SLCO1B3: variants seen among roughly 807,000 people sequenced by gnomAD.
SLCO1B3 encodes solute carrier organic anion transporter family member 1B3, also known as liver-specific organic anion transporter 2.
A neutral mutation model predicts 71.8 loss-of-function variants in SLCO1B3; 72 were observed. The observed-to-expected ratio is 1.00, with a 90% confidence interval of 0.83 to 1.22. SLCO1B3 has a LOEUF of 1.22. Ranked by LOEUF, SLCO1B3 falls within the 50% of genes most tolerant of loss-of-function variation. SLCO1B3 has a pLI of 0.00. For synonymous variants in SLCO1B3, 298 were observed against 278.4 expected, an observed-to-expected ratio of 1.07 and a Z score of -0.70; for missense variants, 911 against 819.7, an observed-to-expected ratio of 1.11 and a Z score of -1.36.
intron 3 of SLCO1B3, among the ~76,000 whole-genome samples, chr12:20,839,591 C>T (rs943558767): frequency 6.6e-6 from 1 of 151,920 alleles, no homozygotes; most frequent in African/African-American, 2.4e-5. Flanking sequence ...GGACTTTTTT[C>T]CCCTTGTCTT....
At chr12:20,812,202 C>G (rs947765073) in intron 1 of SLCO1B3, among the ~76,000 whole-genome samples, 2 of 152,082 alleles carry the variant, frequency 1.3e-5, no homozygotes, top group African/African-American at 4.8e-5. Flanking sequence ...TCACTGCTCC[C>G]GGCCTACTTG....
chr12:20,828,313 AAAAAAAG>A (rs1864469678), intron 3 of SLCO1B3, among the ~76,000 whole-genome samples: 1 of 151,966 alleles, frequency 6.6e-6, no homozygotes, highest in African/African-American at 2.4e-5. Context: ...AAAAAAAAAA[AAAAAAAG>A]GTAACACAAT....
At chr12:20,845,418 C>T (rs550709113) in intron 3 of SLCO1B3, among the ~76,000 whole-genome samples, 2 of 152,142 alleles carry the variant, frequency 1.3e-5, no homozygotes, top group Non-Finnish European at 2.9e-5. Flanking sequence ...CTACTTTGAA[C>T]TGAGTAAGAA....
At chr12:20,912,095 T>C (rs1174336860) in intron 15 of SLCO1B3, among the ~76,000 whole-genome samples, 1 of 152,050 alleles carries the variant, frequency 6.6e-6, no homozygotes, top group Non-Finnish European at 1.5e-5. Context: ...TAATTTTATT[T>C]TCACTTATTT....
chr12:20,871,725 T>C (rs1273122098), intron 8 of SLCO1B3, among the ~76,000 whole-genome samples: 1 of 152,126 alleles, frequency 6.6e-6, no homozygotes, highest in African/African-American at 2.4e-5. Flanking sequence ...AAAGCAAATG[T>C]AGTCTTGCTC....
intron 3 of SLCO1B3, among the ~76,000 whole-genome samples, chr12:20,843,655 C>G (rs576177325): frequency 3.1e-4 from 47 of 151,990 alleles, no homozygotes; most frequent in Middle Eastern, 3.4e-3. Flanking sequence ...GTGGTGGGCA[C>G]CTATAGTCCC....
intron 9 of SLCO1B3, among the ~76,000 whole-genome samples, 177 bp from the exon 10 acceptor site, chr12:20,877,595 A>G (rs1200993062): frequency 6.6e-6 from 1 of 152,148 alleles, no homozygotes; most frequent in Admixed American, 6.5e-5. Context: ...ATTTACCTCA[A>G]AAATTTAACA....
intron 2 of SLCO1B3, among the ~76,000 whole-genome samples, chr12:20,814,891 C>T (rs1363705368): frequency 1.7e-4 from 7 of 41,600 alleles, no homozygotes; most frequent in East Asian, 1.4e-3. Flanking sequence ...AGCAAGACTC[C>T]GTCTCAAAAA....
rs372155740 is a variant in SLCO1B3 at position 20,822,689 on chromosome 12, G to A, written c.84+6867G>A. Among the ~76,000 whole-genome samples, 162 of 152,310 alleles carry A rather than the reference G, an allele frequency of 1.1e-3. 4 individuals are homozygous for A. In the South Asian group the frequency reaches 0.033, roughly 31 times the overall value. On this transcript the variant is annotated intron_variant, in intron 3 of 15. Transcript: ENST00000381545. ...AAACTAGCAGGTAAGGGAATGGTCA[G>A]TTATTTATTTGTCTTGTGCTCAGTA... is the stretch of plus-strand genomic sequence containing the variant.
At position 20,855,167 on chromosome 12, in the gene SLCO1B3, T is replaced by C. The variant is rs1354436053; in HGVS notation, c.224T>C (p.Ile75Thr). The C allele has an allele frequency of 2.5e-6, 4 of 1,605,144 alleles. No homozygotes were observed. In the South Asian group the frequency reaches 3.3e-5, roughly 13 times the overall value. The change falls in exon 4 of 16, where the codon ATT becomes ACT. Residue 75 changes from isoleucine (I) to threonine (T), a missense_variant and splice_region_variant. Ile to Thr is a moderately conservative substitution (Grantham distance 89). Transcript: ENST00000381545. ...LAGLIDGSFE[I>T]GNLLVIVFVS... ...GGTTTAATTGATGGAAGCTTTGAAA[T>C]TGGTAACTTTTATTTTTTCTATTTG... is the stretch of plus-strand genomic sequence containing the variant.
At chr12:20,816,349 AC>A (rs1023754266) in intron 3 of SLCO1B3, among the ~76,000 whole-genome samples, 2 of 151,726 alleles carry the variant, frequency 1.3e-5, no homozygotes, top group Non-Finnish European at 2.9e-5. Flanking sequence ...CTACCCCCAC[AC>A]CCCCATGACC....
At position 20,883,576 on chromosome 12, in the gene SLCO1B3, T is replaced by G. The variant is rs1565601666; in HGVS notation, c.1656T>G (p.Gly552=). 3.1e-6 allele frequency: 5 copies of G among 1,595,306 alleles called. No individual in the cohort carries two copies. In the South Asian group the frequency reaches 4.6e-5, roughly 15 times the overall value. ...VINSLFSATG[G]TTFILLTVKI... ...ACTCTTTGTTCTCTGCAACAGGAGG[T>G]ACCACATTTATCTTGTTGACTGTGA... Residue 552 remains glycine (G), a synonymous_variant, in exon 13 of 16, where the codon GGT becomes GGG. Transcript: ENST00000381545.
chr12:20,873,448 G>A (rs946710033), intron 8 of SLCO1B3, among the ~76,000 whole-genome samples: 1 of 152,116 alleles, frequency 6.6e-6, no homozygotes, highest in African/African-American at 2.4e-5. Context: ...TTTATTCTCT[G>A]TAGTTCCCAG....
At chr12:20,865,336 A>G (rs1354520791) in intron 8 of SLCO1B3, among the ~76,000 whole-genome samples, 2 of 152,158 alleles carry the variant, frequency 1.3e-5, no homozygotes, top group Non-Finnish European at 2.9e-5. Context: ...ATACTAGCAA[A>G]TAATATATTT....
At chr12:20,870,869 C>A (rs1410607008) in intron 8 of SLCO1B3, among the ~76,000 whole-genome samples, 1 of 152,048 alleles carries the variant, frequency 6.6e-6, no homozygotes, top group Non-Finnish European at 1.5e-5. Flanking sequence ...CTTCTATTCC[C>A]AGATTTTTGA....
intron 15 of SLCO1B3, among the ~76,000 whole-genome samples, chr12:20,915,673 A>T (rs967428450): frequency 3.9e-5 from 6 of 152,164 alleles, no homozygotes; most frequent in African/African-American, 1.4e-4. Context: ...GTACCTCTGG[A>T]CTGTGAACTT....
At chr12:20,825,419 A>G (rs1336718397) in intron 3 of SLCO1B3, among the ~76,000 whole-genome samples, 2 of 152,164 alleles carry the variant, frequency 1.3e-5, no homozygotes, top group Non-Finnish European at 2.9e-5. Context: ...CTGGGTCTGA[A>G]GATGAGGGTT....
At chr12:20,833,967 A>G (rs1323823718) in intron 3 of SLCO1B3, among the ~76,000 whole-genome samples, 1 of 130,542 alleles carries the variant, frequency 7.7e-6, no homozygotes, top group Non-Finnish European at 1.7e-5. Flanking sequence ...CTGTATATGT[A>G]TATACATACA....
intron 3 of SLCO1B3, among the ~76,000 whole-genome samples, chr12:20,853,637 A>C (rs1054797342): frequency 3.3e-5 from 5 of 151,918 alleles, no homozygotes; most frequent in African/African-American, 1.2e-4. Context: ...ATTTTAGCTA[A>C]AGGTCTCTCA....
Sources: allele counts gnomAD v4.1 joint callset (sites outside exome capture counted in the v4.1 genomes callset), GRCh38; gene constraint gnomAD v4.1.1; transcripts MANE v1.5; gene names NCBI Gene and HGNC (gene_info 2026-07-23, HGNC 2026-07-21).